Variants in LANCL2 observed in about 807,000 individuals in gnomAD.
The protein encoded by LANCL2 is LanC like glutathione S-transferase 2, also known as lanC-like protein 2.
Under a neutral mutation model 56.9 loss-of-function variants are expected in LANCL2, and 33 were observed. That is an observed-to-expected ratio of 0.58 (90% CI 0.44 to 0.78). LANCL2 has a LOEUF of 0.78. LANCL2 is among the 30% of genes least tolerant of loss of function. The probability of loss-of-function intolerance (pLI) is 0.00; values close to 1 mark genes in which losing one functional copy is unlikely to be tolerated. For synonymous variants in LANCL2, 233 were observed against 228.2 expected (o/e 1.02, Z -0.19); for missense variants, 562 against 580.2 (o/e 0.97, Z 0.32).
At chr7:55,403,563 T>TTTG (rs1486491375) in intron 5 of LANCL2, among the ~76,000 whole-genome samples, 2 of 144,870 alleles carry the variant, frequency 1.4e-5, no homozygotes, top group African/African-American at 5.2e-5. Flanking sequence ...TTTTTGTTTG[T>TTTG]TTGTTGTTTT....
intron 1 of LANCL2, among the ~76,000 whole-genome samples, chr7:55,373,698 T>A (rs1023571255): frequency 3.3e-5 from 5 of 152,188 alleles, no homozygotes; most frequent in South Asian, 4.1e-4. Flanking sequence ...TTAAAAAAAT[T>A]TTTTTATGAG....
At chr7:55,401,516 T>C (rs1790325056) in intron 5 of LANCL2, among the ~76,000 whole-genome samples, 196 bp downstream of exon 5, 2 of 4,828 alleles carry the variant, frequency 4.1e-4, no homozygotes, top group African/African-American at 1.3e-3. Context: ...GTATGGAGTC[T>C]TTTTTTTTTT....
chr7:55,402,556 A>AC (rs1348531275), intron 5 of LANCL2, among the ~76,000 whole-genome samples: 15 of 114,286 alleles, frequency 1.3e-4, no homozygotes, highest in Admixed American at 2.6e-4. Context: ...CGGGGGGCTG[A>AC]CCCCCCCACA....
At chr7:55,380,475 A>G (rs1161766138) in intron 1 of LANCL2, among the ~76,000 whole-genome samples, 1 of 152,088 alleles carries the variant, frequency 6.6e-6, no homozygotes, top group Non-Finnish European at 1.5e-5. Context: ...TGATGGGCTA[A>G]GACCCTGGTG....
chr7:55,401,269 G>A lies in LANCL2; in HGVS notation c.774G>A (p.Gln258=). The change falls in exon 5 of 9, where the codon CAG becomes CAA. Residue 258 remains glutamine (Q), a synonymous_variant. Coordinates refer to ENST00000254770, the MANE Select transcript of LANCL2 (RefSeq NM_018697.4). The part of the protein sequence containing the change: ...CPLLYQWHRK[Q]YVGAAHGMAG... The stretch of plus-strand genomic sequence containing the variant: ...TGTTGTACCAGTGGCACCGGAAGCA[G>A]TACGTTGGAGCAGCCCATGGCATGG... 1.2e-6 allele frequency: 2 copies of A among 1,614,166 alleles called. No individual in the cohort carries two copies. Among genetic ancestry groups the A allele is most frequent in the South Asian group, 2.2e-5 (2 of 91,086 alleles).
At position 55,366,220 on chromosome 7, in the gene LANCL2, G is replaced by A. The variant is rs374837911; in HGVS notation, c.195G>A (p.Gln65=). 5.4e-4 allele frequency: 814 copies of A among 1,515,124 alleles called. 1 individual carries two copies. Among genetic ancestry groups the A allele is most frequent in the Non-Finnish European group, 7.0e-4 (787 of 1,126,280 alleles). The allele number at this position is 1,515,124 out of a possible 1,614,324, so 93.9% of individuals were successfully genotyped here. A position where few individuals can be genotyped will look rare whatever the true frequency, so the allele number is the denominator to read the frequency against. The part of the protein sequence containing the change: ...TTDEPGLPFH[Q]DGKIIHNFIR... ...ATGAGCCCGGCCTCCCTTTTCATCA[G>A]GACGGGAAGGTGAGTCGGCGGCCTG... The change falls in exon 1 of 9, where the codon CAG becomes CAA. Residue 65 remains glutamine (Q), a synonymous_variant. Coordinates refer to ENST00000254770, the MANE Select transcript of LANCL2 (RefSeq NM_018697.4).
In LANCL2 at chr7:55,412,088, A is replaced by T; in HGVS notation, c.1007A>T (p.Lys336Met). Residue 336 changes from lysine (K) to methionine (M), a missense_variant and splice_region_variant, in exon 6 of 9, where the codon AAG (lysine) becomes ATG (methionine). This residue lies in a region of LANCL2 where 378 missense variants were observed against 468.4 expected (regional missense o/e 0.81). Coordinates refer to ENST00000254770, the MANE Select transcript of LANCL2 (RefSeq NM_018697.4). ...ATCCACATGCTCATGCAGGCGTACA[A>T]GGTCAGTGCTTCCGCCGTCACGGCC... Reference protein sequence around the residue: ...GVIHMLMQAYKVFKEEKYLKE... With the variant: ...GVIHMLMQAYMVFKEEKYLKE... 1 of 1,610,898 alleles carries T rather than the reference A, an allele frequency of 6.2e-7. No homozygotes were observed. The highest frequency in any genetic ancestry group is 8.5e-7 in the Non-Finnish European group (1 of 1,177,548).
intron 6 of LANCL2, among the ~76,000 whole-genome samples, chr7:55,423,188 G>A (rs576492796): frequency 6.1e-4 from 93 of 152,304 alleles, no homozygotes; most frequent in African/African-American, 2.0e-3. Flanking sequence ...TGGATGTCTC[G>A]CTGTTAGAAG....
In LANCL2 at chr7:55,413,108, G is replaced by A. The variant is rs116798900; in HGVS notation, c.1008+1019G>A. Among the ~76,000 whole-genome samples, 680 of 152,278 alleles carry A rather than the reference G, an allele frequency of 4.5e-3. 8 individuals are homozygous for A. The highest frequency in any genetic ancestry group is 0.016 in the African/African-American group (662 of 41,566). On this transcript the variant is annotated intron_variant, in intron 6 of 8. Coordinates refer to ENST00000254770, the MANE Select transcript of LANCL2 (RefSeq NM_018697.4). ...AGAAAACAACTCAGAAAGTTACGACGTTTGGTCAGTGAAACACAATGAAAT... is the reference window on the plus strand; with the variant it reads ...AGAAAACAACTCAGAAAGTTACGACATTTGGTCAGTGAAACACAATGAAAT...
intron 1 of LANCL2, among the ~76,000 whole-genome samples, chr7:55,389,286 C>T (rs1790159494): frequency 6.6e-6 from 1 of 152,136 alleles, no homozygotes. Context: ...AAAGGTGTCA[C>T]TCGGGGTTGA....
intron 6 of LANCL2, among the ~76,000 whole-genome samples, chr7:55,422,287 T>G (rs1790617151): frequency 6.6e-6 from 1 of 152,238 alleles, no homozygotes; most frequent in South Asian, 2.1e-4. Context: ...ACAGTTTTGC[T>G]GGGTGTGGAA....
chr7:55,402,113 G>A (rs1790337005), intron 5 of LANCL2, among the ~76,000 whole-genome samples: 1 of 146,908 alleles, frequency 6.8e-6, no homozygotes, highest in Non-Finnish European at 1.5e-5. Context: ...TCCCAGTAGG[G>A]GCGGCCGGGC....
chr7:55,400,291 A>G (rs1289923963), intron 4 of LANCL2, among the ~76,000 whole-genome samples, 187 bp downstream of exon 4: 1 of 152,308 alleles, frequency 6.6e-6, no homozygotes, highest in South Asian at 2.1e-4. Context: ...ACTCTCTTTC[A>G]TCTTGTATTA....
intron 5 of LANCL2, among the ~76,000 whole-genome samples, chr7:55,410,860 T>C (rs1374829803): frequency 1.3e-5 from 2 of 151,974 alleles, no homozygotes; most frequent in Non-Finnish European, 2.9e-5. Context: ...TCTAAGGATG[T>C]CATGTGCTAA....
intron 7 of LANCL2, among the ~76,000 whole-genome samples, chr7:55,426,465 T>A (rs815976): frequency 0.054 from 8,292 of 152,294 alleles, 766 homozygotes; most frequent in African/African-American, 0.19. Flanking sequence ...GCGGCTGATA[T>A]GTTCTTTATA....
chr7:55,415,646 C>T (rs1214995763), intron 6 of LANCL2, among the ~76,000 whole-genome samples: 1 of 27,132 alleles, frequency 3.7e-5, no homozygotes, highest in Admixed American at 5.2e-4. Flanking sequence ...CAGTGTCGCT[C>T]TGTCTCCCAG....
At chr7:55,366,824 A>C (rs10441467) in intron 1 of LANCL2, among the ~76,000 whole-genome samples, 7 of 152,232 alleles carry the variant, frequency 4.6e-5, no homozygotes, top group African/African-American at 1.7e-4. Context: ...TGAAAAAGAC[A>C]CAAAGAAATG....
intron 1 of LANCL2, 122 bp downstream of exon 1, chr7:55,366,351 G>A: frequency 2.5e-6 from 2 of 800,126 alleles, no homozygotes; most frequent in Non-Finnish European, 3.7e-6. Flanking sequence ...GGATGATAGC[G>A]CCTAGCACCT....
At chr7:55,411,608 C>CAACAA (rs1459766445) in intron 5 of LANCL2, among the ~76,000 whole-genome samples, 1 of 152,154 alleles carries the variant, frequency 6.6e-6, no homozygotes, top group Non-Finnish European at 1.5e-5. Context: ...CAAAGCAAAG[C>CAACAA]AACAAAACAA....
Sources: allele counts gnomAD v4.1 joint callset (sites outside exome capture counted in the v4.1 genomes callset), GRCh38; gene constraint gnomAD v4.1.1; regional missense constraint gnomAD v4.1.1; transcripts MANE v1.5; gene names NCBI Gene and HGNC (gene_info 2026-07-23, HGNC 2026-07-21).